The following HCN4 variants were observed in gnomAD, a reference collection of about 807,000 sequenced individuals.
HCN4 encodes potassium/sodium hyperpolarization-activated cyclic nucleotide-gated channel 4.
HCN4 carries 29 observed loss-of-function variants against 76.9 expected under a neutral mutation model. The observed-to-expected ratio is 0.38, with a 90% CI of 0.28 to 0.51. The LOEUF (loss-of-function observed/expected upper bound fraction) is 0.51. Among genes scored for constraint, HCN4 ranks in the 20% least tolerant of loss-of-function variants. The probability of loss-of-function intolerance (pLI) is 0.90; values close to 1 mark genes in which losing one functional copy is unlikely to be tolerated. For synonymous variants in HCN4, 772 were observed against 762.5 expected (o/e 1.01, Z -0.21); for missense variants, 1,416 against 1,715.2 (o/e 0.83, Z 3.08).
chr15:73,334,136 C>T lies in HCN4; in HGVS notation c.1210-1844G>A, dbSNP rs796243778. The stretch of plus-strand genomic sequence containing the variant: ...CCTGCACACAGTGTGATGGTGTAGA[C>T]GGTGCTGTGTGCCCTGCAGCCCAGT... On this transcript the variant is annotated intron_variant, in intron 2 of 7. Transcript: ENST00000261917. Among the ~76,000 whole-genome samples the T allele has an allele frequency of 9.2e-5, 14 of 151,652 alleles. No homozygotes were observed. The East Asian group carries it at 1.8e-3, about 19-fold the overall frequency.
chr15:73,339,827 T>G (rs2042989439), intron 2 of HCN4, among the ~76,000 whole-genome samples: 1 of 152,126 alleles, frequency 6.6e-6, no homozygotes, highest in Admixed American at 6.5e-5. Flanking sequence ...GCTATGGTCC[T>G]GGAGACAGGG....
chr15:73,363,158 T>C (rs1362129474), intron 1 of HCN4, among the ~76,000 whole-genome samples: 1 of 152,152 alleles, frequency 6.6e-6, no homozygotes, highest in Non-Finnish European at 1.5e-5. Context: ...CTGAGAGTCC[T>C]AACAACATTC....
At chr15:73,340,487 G>A (rs1479485237) in intron 2 of HCN4, among the ~76,000 whole-genome samples, 2 of 152,174 alleles carry the variant, frequency 1.3e-5, no homozygotes, top group Admixed American at 6.5e-5. Context: ...CACCTGCGAC[G>A]GAAACCAGGA....
intron 1 of HCN4, among the ~76,000 whole-genome samples, chr15:73,365,885 G>T (rs1223910384): frequency 6.6e-6 from 1 of 152,200 alleles, no homozygotes; most frequent in South Asian, 2.1e-4. Context: ...CTGAAGAGTT[G>T]AGAGACAGGA....
At chr15:73,344,727 A>G (rs1339882159) in intron 1 of HCN4, among the ~76,000 whole-genome samples, 1 of 152,188 alleles carries the variant, frequency 6.6e-6, no homozygotes, top group Non-Finnish European at 1.5e-5. Flanking sequence ...GTTGAGCAGC[A>G]TGAGGAGGAG....
In HCN4 at chr15:73,336,913, T is replaced by C. The variant is rs959576393; in HGVS notation, c.1210-4621A>G. 2.0e-5 allele frequency among the ~76,000 whole-genome samples: 3 copies of C among 152,290 alleles called. No homozygotes were observed. In the East Asian group the frequency reaches 5.8e-4, roughly 29 times the overall value. On this transcript the variant is annotated intron_variant, in intron 2 of 7. Transcript: ENST00000261917. ...ACTGCACCCATGAATACACTCCAAA[T>C]GCCAACTGTGGCCCTCGGCATCTCG...
chr15:73,323,522 G>C lies in HCN4; in HGVS notation c.2571C>G (p.Phe857Leu), dbSNP rs756140673. The change falls in exon 8 of 8, where the codon TTC (phenylalanine) becomes TTG (leucine). Residue 857 changes from phenylalanine (F) to leucine (L), a missense_variant. This residue lies in a region of HCN4 where 633 missense variants were observed against 579.8 expected (regional missense o/e 1.09). Coordinates refer to ENST00000261917, the MANE Select transcript of HCN4 (RefSeq NM_005477.3). ...AGAATCCAGCCAGCTGTTGGATGTG[G>C]AAGGAGGATGAAGACGGTGTGTCCA... ...SQVDTPSSSS[F>L]HIQQLAGFSA... 3.1e-6 allele frequency: 5 copies of C among 1,601,344 alleles called. No individual in the cohort carries two copies. Among genetic ancestry groups the C allele is most frequent in the Non-Finnish European group, 4.2e-6 (5 of 1,179,852 alleles).
At chr15:73,363,331 A>G (rs1044019113) in intron 1 of HCN4, among the ~76,000 whole-genome samples, 1 of 152,190 alleles carries the variant, frequency 6.6e-6, no homozygotes, top group Non-Finnish European at 1.5e-5. Flanking sequence ...GGAAATAGAA[A>G]AGAAACCAGT....
At chr15:73,340,967 A>T (rs1439439315) in intron 2 of HCN4, 1 of 152,106 alleles carries the variant, frequency 6.6e-6, no homozygotes, top group Non-Finnish European at 1.5e-5. Context: ...CAGTTTCCTC[A>T]CTTGACACAT....
chr15:73,334,988 C>G (rs1595825142), intron 2 of HCN4, among the ~76,000 whole-genome samples: 1 of 152,052 alleles, frequency 6.6e-6, no homozygotes, highest in East Asian at 1.9e-4. Context: ...AAAAAGAGAC[C>G]AGACAGAGAC....
chr15:73,325,505 C>T lies in HCN4; in HGVS notation c.1591-61G>A. The T allele has an allele frequency of 1.3e-6, 2 of 1,576,468 alleles. No homozygotes were observed. Among genetic ancestry groups the T allele is most frequent in the Non-Finnish European group, 1.7e-6 (2 of 1,145,972 alleles). On this transcript the variant is annotated intron_variant, in intron 4 of 7. Coordinates refer to ENST00000261917, the MANE Select transcript of HCN4 (RefSeq NM_005477.3). This position sits in a 1 kb window ranked among gnomAD's most constrained non-coding sequence, Gnocchi z 7.4. ...ACCAGGGGGCGTCAGCAGCCAGCCCCACCACCTCGGCAGGCACCACATCCG... is the reference window on the plus strand; with the variant it reads ...ACCAGGGGGCGTCAGCAGCCAGCCCTACCACCTCGGCAGGCACCACATCCG...
intron 1 of HCN4, among the ~76,000 whole-genome samples, chr15:73,366,510 G>C (rs949603905): frequency 6.6e-6 from 1 of 152,180 alleles, no homozygotes; most frequent in Non-Finnish European, 1.5e-5. Flanking sequence ...AGGGGCACTA[G>C]GGAACCTTAG....
intron 2 of HCN4, among the ~76,000 whole-genome samples, chr15:73,336,108 T>G (rs546558164): frequency 6.6e-6 from 1 of 151,520 alleles, no homozygotes; most frequent in South Asian, 2.1e-4. Context: ...GGGAGGTGAG[T>G]AGAGAGGCTG....
At position 73,322,864 on chromosome 15, in the gene HCN4, C is replaced by T. The variant is rs746291340; in HGVS notation, c.3229G>A (p.Gly1077Ser). The T allele has an allele frequency of 2.9e-5, 42 of 1,464,654 alleles. No individual in the cohort carries two copies. Among genetic ancestry groups the T allele is most frequent in the Non-Finnish European group, 3.4e-5 (38 of 1,110,144 alleles). 90.7% of individuals were successfully genotyped at this position (1,464,654 alleles called of 1,614,324 possible). ...AGCTTGAGGTCCTGGGTGAGGCGGC[C>T]GGGGGTGAGCGGGGGTGTGCCCCGG... ...QRRGTPPLTP[G>S]RLTQDLKLIS... Residue 1077 changes from glycine to serine, a missense_variant, in exon 8 of 8, where the codon GGC (glycine) becomes AGC (serine). Gly to Ser is a moderately conservative substitution (Grantham distance 56). Around this residue, in one of 6 missense-constraint regions of HCN4, gnomAD observed 633 missense variants for 579.8 expected, o/e 1.09. Transcript: ENST00000261917.
chr15:73,331,964 G>A (rs2042935701), intron 3 of HCN4, among the ~76,000 whole-genome samples, 167 bp downstream of exon 3: 1 of 152,214 alleles, frequency 6.6e-6, no homozygotes, highest in Non-Finnish European at 1.5e-5. Context: ...TGGACTGGCA[G>A]CAAGCGATTG....
rs2043141223 is a variant in HCN4 at position 73,368,461 on chromosome 15, C to T, written c.-191G>A. 2.7e-6 allele frequency: 1 copy of T among 372,954 alleles called. No individual in the cohort carries two copies. The highest frequency in any genetic ancestry group is 4.7e-6 in the Non-Finnish European group (1 of 212,600). 23.1% of individuals were successfully genotyped at this position (372,954 alleles called of 1,614,324 possible). A position where few individuals can be genotyped will look rare whatever the true frequency, so the allele number is the denominator to read the frequency against. On this transcript the variant is annotated 5_prime_UTR_variant, in exon 1 of 8. Transcript: ENST00000261917. The surrounding 1 kb of genome is among the most constrained non-coding windows in gnomAD (Gnocchi z 6.9). ...GGATCCTAGTCCCGCTCCGAGTCCCCGGGCTCGCCGCGCTACACCTCCTCC... is the reference window on the plus strand; with the variant it reads ...GGATCCTAGTCCCGCTCCGAGTCCCTGGGCTCGCCGCGCTACACCTCCTCC...
chr15:73,326,797 T>TTTATTTATTTATTTA (rs1567772760), intron 4 of HCN4, among the ~76,000 whole-genome samples: 9 of 149,262 alleles, frequency 6.0e-5, no homozygotes, highest in African/African-American at 2.3e-4. Flanking sequence ...TTATTTATTT[T>TTTATTTATTTATTTA]TTTTGTTAAG....
At position 73,332,039 on chromosome 15, in the gene HCN4, G is replaced by A. The variant is rs1276398724; in HGVS notation, c.1371+92C>T. Reference sequence around the variant, plus strand: ...GGCAGCACTCAGGGTCCTACATGCTGGAACTCAGAAGTTCCAAGTCCACAT... The same window carrying A: ...GGCAGCACTCAGGGTCCTACATGCTAGAACTCAGAAGTTCCAAGTCCACAT... On this transcript the variant is annotated intron_variant, in intron 3 of 7. Transcript: ENST00000261917. The A allele has an allele frequency of 2.3e-6, 3 of 1,300,144 alleles. No homozygotes were observed. The East Asian group carries it at 6.9e-5, about 30-fold the overall frequency. 80.5% of individuals were successfully genotyped at this position (1,300,144 alleles called of 1,614,324 possible). A position where few individuals can be genotyped will look rare whatever the true frequency, so the allele number is the denominator to read the frequency against.
rs2043133213 is a variant in HCN4, at chr15:73,367,400, T to G, written c.785+86A>C. The G allele has an allele frequency of 6.3e-7, 1 of 1,593,776 alleles. No individual in the cohort carries two copies. The highest frequency in any genetic ancestry group is 8.5e-7 in the Non-Finnish European group (1 of 1,170,858). On this transcript the variant is annotated intron_variant, in intron 1 of 7. Coordinates refer to ENST00000261917, the MANE Select transcript of HCN4 (RefSeq NM_005477.3). The surrounding 1 kb of genome is among the most constrained non-coding windows in gnomAD (Gnocchi z 7.5). ...GAGCTCCCAGCGCAAGGCAGGAAAG[T>G]TAACTCCGGCTGGGAGGCAGGGTCA...
Sources: allele counts gnomAD v4.1 joint callset (sites outside exome capture counted in the v4.1 genomes callset), GRCh38; gene constraint gnomAD v4.1.1; regional missense constraint gnomAD v4.1.1; non-coding constraint Gnocchi (gnomAD v3.1); transcripts MANE v1.5; gene names NCBI Gene and HGNC (gene_info 2026-07-23, HGNC 2026-07-21).